ACVR2A: variants seen among roughly 807,000 people sequenced by gnomAD.
ACVR2A encodes activin A receptor type 2A, also known as activin receptor type-2A.
A neutral mutation model predicts 61.4 loss-of-function variants in ACVR2A; 7 were observed. The observed-to-expected ratio is 0.11, with a 90% confidence interval of 0.06 to 0.21. The LOEUF is 0.21. ACVR2A is among the 10% of genes least tolerant of loss of function. ACVR2A has a pLI of 1.00. For missense variants in ACVR2A, 322 were observed against 621.7 expected, an observed-to-expected ratio of 0.52 and a Z score of 5.13; for synonymous variants, 193 against 208.3, an observed-to-expected ratio of 0.93 and a Z score of 0.63.
intron 4 of ACVR2A, among the ~76,000 whole-genome samples, 198 bp downstream of exon 4, chr2:147,900,096 G>T (rs1173066502): frequency 6.6e-6 from 1 of 152,088 alleles, no homozygotes; most frequent in Non-Finnish European, 1.5e-5. Context: ...TCACTTTAGG[G>T]TTGAGGTCGA....
rs200597984 is a variant in ACVR2A, at chr2:147,872,106, A to G, written c.56-24195A>G. On this transcript the variant is annotated intron_variant, in intron 1 of 10. Coordinates refer to ENST00000241416, the MANE Select transcript of ACVR2A (RefSeq NM_001616.5). ...TTGAAAATATGGAGCCCATGGTTTG[A>G]TACGTATTTATTCTACCACAGCAAA... Among the ~76,000 whole-genome samples, 20 of 152,042 alleles carry G rather than the reference A, an allele frequency of 1.3e-4. No homozygotes were observed. In the East Asian group the frequency reaches 3.7e-3, roughly 28 times the overall value.
chr2:147,912,537 G>A (rs182121571), intron 4 of ACVR2A, among the ~76,000 whole-genome samples: 10 of 151,796 alleles, frequency 6.6e-5, no homozygotes, highest in Non-Finnish European at 1.2e-4. Flanking sequence ...CTTCCCAGGG[G>A]CTCATATATT....
intron 1 of ACVR2A, among the ~76,000 whole-genome samples, chr2:147,864,820 C>T (rs1254560570): frequency 2.6e-5 from 4 of 152,164 alleles, no homozygotes; most frequent in African/African-American, 7.2e-5. Context: ...GGGGACCCTA[C>T]TATGTTCGTC....
chr2:147,902,028 GTTATA>G (rs1327919360), intron 4 of ACVR2A, among the ~76,000 whole-genome samples: 1 of 151,706 alleles, frequency 6.6e-6, no homozygotes, highest in Non-Finnish European at 1.5e-5. Flanking sequence ...GCACTGTTAA[GTTATA>G]TTATACATAA....
chr2:147,914,990 A>G (rs541757719), intron 4 of ACVR2A, among the ~76,000 whole-genome samples: 1 of 151,942 alleles, frequency 6.6e-6, no homozygotes, highest in East Asian at 1.9e-4. Context: ...TTATTATGAA[A>G]CTCTGAATTC....
At chr2:147,878,836 C>T (rs1049111234) in intron 1 of ACVR2A, among the ~76,000 whole-genome samples, 2 of 151,884 alleles carry the variant, frequency 1.3e-5, no homozygotes, top group South Asian at 2.1e-4. Flanking sequence ...TTGAGCCCAG[C>T]AGGTTAAGGC....
chr2:147,896,254 A>AT, intron 1 of ACVR2A, 47 bp from the exon 2 acceptor site: 1 of 1,520,044 alleles, frequency 6.6e-7, no homozygotes, highest in Non-Finnish European at 9.0e-7. Flanking sequence ...ACAGTCTTTT[A>AT]TTTTAACAGA....
intron 4 of ACVR2A, among the ~76,000 whole-genome samples, chr2:147,914,703 C>T (rs150540745): frequency 5.9e-5 from 9 of 151,946 alleles, no homozygotes; most frequent in East Asian, 5.8e-4. Flanking sequence ...GAATGACTGC[C>T]GGTATCTCTG....
chr2:147,846,676 G>C (rs926750878), intron 1 of ACVR2A, among the ~76,000 whole-genome samples: 12 of 152,182 alleles, frequency 7.9e-5, no homozygotes, highest in African/African-American at 2.9e-4. Flanking sequence ...TGGGAAGGAA[G>C]CTAAACAATG....
rs10221552 is a variant in ACVR2A, at chr2:147,845,934, A to G, written c.55+727A>G. ...TATTTTAAACGCTTTGTATTGAAGC[A>G]TTGTTTTCGGTTTAGAACAACCCAT... is the stretch of plus-strand genomic sequence containing the variant. On this transcript the variant is annotated intron_variant, in intron 1 of 10. Transcript: ENST00000241416. Among the ~76,000 whole-genome samples, 870 of 152,292 alleles carry G rather than the reference A, an allele frequency of 5.7e-3. 10 individuals are homozygous for G. The highest frequency in any genetic ancestry group is 0.02 in the African/African-American group (814 of 41,548).
chr2:147,883,562 TTAA>T (rs368084936), intron 1 of ACVR2A, among the ~76,000 whole-genome samples: 21 of 152,188 alleles, frequency 1.4e-4, no homozygotes, highest in African/African-American at 4.8e-4. Flanking sequence ...AGATTTTTTT[TTAA>T]TACTCATAAT....
chr2:147,844,547 C>T (rs1360624306), upstream of ACVR2A: 1 of 149,718 alleles, frequency 6.7e-6, no homozygotes, highest in Non-Finnish European at 1.5e-5. Flanking sequence ...GAGCCCGGAG[C>T]CCGGAGCTGG....
intron 1 of ACVR2A, among the ~76,000 whole-genome samples, chr2:147,895,935 A>T (rs1371001542): frequency 6.6e-6 from 1 of 152,136 alleles, no homozygotes; most frequent in Non-Finnish European, 1.5e-5. Context: ...GGTCAACTGT[A>T]GTCACTATGC....
intron 1 of ACVR2A, among the ~76,000 whole-genome samples, chr2:147,849,869 G>A (rs79861172): frequency 0.055 from 8,325 of 152,144 alleles, 300 homozygotes; most frequent in Non-Finnish European, 0.084. Context: ...TAAACCAAAT[G>A]AGATTTTAGT....
chr2:147,884,081 T>C (rs1203485697), intron 1 of ACVR2A, among the ~76,000 whole-genome samples: 1 of 152,206 alleles, frequency 6.6e-6, no homozygotes, highest in Non-Finnish European at 1.5e-5. Context: ...TTTGTTTCCT[T>C]AATTTTTTTA....
chr2:147,889,702 G>A (rs1441490542), intron 1 of ACVR2A, among the ~76,000 whole-genome samples: 6 of 152,026 alleles, frequency 3.9e-5, no homozygotes, highest in Admixed American at 3.3e-4. Context: ...AGCCGAGATC[G>A]CACCATTGCA....
chr2:147,874,992 A>G (rs1026454609), intron 1 of ACVR2A, among the ~76,000 whole-genome samples: 2 of 151,938 alleles, frequency 1.3e-5, no homozygotes, highest in African/African-American at 4.8e-5. Flanking sequence ...CTGTCCACCA[A>G]ATTATGAGCT....
chr2:147,879,162 T>G (rs1686233188), intron 1 of ACVR2A, among the ~76,000 whole-genome samples: 2 of 152,170 alleles, frequency 1.3e-5, no homozygotes, highest in Admixed American at 6.5e-5. Context: ...GTGATAACTG[T>G]TTTTCAACTT....
chr2:147,891,313 A>G (rs1292669338), intron 1 of ACVR2A, among the ~76,000 whole-genome samples: 2 of 152,104 alleles, frequency 1.3e-5, no homozygotes, highest in African/African-American at 4.8e-5. Flanking sequence ...TGGAAATTGG[A>G]AATAGTTGCA....
Sources: allele counts gnomAD v4.1 joint callset (sites outside exome capture counted in the v4.1 genomes callset), GRCh38; gene constraint gnomAD v4.1.1; transcripts MANE v1.5; gene names NCBI Gene and HGNC (gene_info 2026-07-23, HGNC 2026-07-21).